OPCML: variants seen among roughly 807,000 people sequenced by gnomAD.
OPCML encodes opioid-binding protein/cell adhesion molecule.
Under a neutral mutation model 37.8 loss-of-function variants are expected in OPCML, and 13 were observed. The observed-to-expected ratio is 0.34, with a 90% confidence interval of 0.22 to 0.55. The LOEUF (loss-of-function observed/expected upper bound fraction) is 0.55. Ranked by LOEUF, OPCML falls within the 20% of genes least tolerant of loss-of-function variation. The pLI is 0.91. For missense variants in OPCML, 341 were observed against 435.6 expected (o/e 0.78, Z 1.93); for synonymous variants, 176 against 168.8 (o/e 1.04, Z -0.33).
Position 133,531,393 on chromosome 11 carries a change from T to C in OPCML, c.61+871A>G, listed in dbSNP as rs186052475. 1.1e-3 allele frequency among the ~76,000 whole-genome samples: 175 copies of C among 152,286 alleles called. 2 individuals are homozygous for C. The highest frequency in any genetic ancestry group is 4.2e-3 in the African/African-American group (175 of 41,560). On this transcript the variant is annotated intron_variant, in intron 1 of 7. Coordinates refer to ENST00000524381, the MANE Select transcript of OPCML (RefSeq NM_001012393.5). Reference sequence around the variant, plus strand: ...GAGAGGTGGGATCACATTTAAATCATTAGACAAGGTGGGGAAGGGGCTGGG... The same window carrying C: ...GAGAGGTGGGATCACATTTAAATCACTAGACAAGGTGGGGAAGGGGCTGGG...
intron 1 of OPCML, among the ~76,000 whole-genome samples, chr11:133,475,908 G>A (rs1038530813): frequency 6.6e-6 from 1 of 152,190 alleles, no homozygotes; most frequent in Non-Finnish European, 1.5e-5. Flanking sequence ...AGAATGGATG[G>A]TAGGTGAGAT....
intron 1 of OPCML, among the ~76,000 whole-genome samples, chr11:133,314,516 A>ATT (rs1943155810): frequency 6.6e-6 from 1 of 151,246 alleles, no homozygotes; most frequent in Non-Finnish European, 1.5e-5. Flanking sequence ...TACAGCCAAA[A>ATT]CCTTCCTCTG....
At chr11:132,702,772 A>T (rs1943879840) in intron 2 of OPCML, among the ~76,000 whole-genome samples, 1 of 150,456 alleles carries the variant, frequency 6.6e-6, no homozygotes. Context: ...TTGTTCCTCT[A>T]CTTCAAATGA....
rs574485066 is a variant in OPCML at position 132,951,071 on chromosome 11, C to T, written c.62-8061G>A. Among the ~76,000 whole-genome samples, 7 of 152,204 alleles carry T rather than the reference C, an allele frequency of 4.6e-5. No homozygotes were observed. The South Asian group carries it at 8.3e-4, about 18-fold the overall frequency. Reference sequence around the variant, plus strand: ...AAGACTGGAGCAAACACAGGGCAGTCGGGCGTCAGTCCAAGCCCCACCTCT... The same window carrying T: ...AAGACTGGAGCAAACACAGGGCAGTTGGGCGTCAGTCCAAGCCCCACCTCT... On this transcript the variant is annotated intron_variant, in intron 1 of 7. Transcript: ENST00000524381.
At chr11:133,405,795 C>A (rs886678781) in intron 1 of OPCML, among the ~76,000 whole-genome samples, 1 of 152,156 alleles carries the variant, frequency 6.6e-6, no homozygotes, top group African/African-American at 2.4e-5. Flanking sequence ...TGTTTCCTGC[C>A]TCTGAACCTA....
intron 2 of OPCML, among the ~76,000 whole-genome samples, chr11:132,732,198 C>T (rs983771020): frequency 6.6e-6 from 1 of 152,036 alleles, no homozygotes; most frequent in Non-Finnish European, 1.5e-5. Context: ...TAATAAGGAC[C>T]TAAATTAAGT....
At chr11:133,145,692 T>C (rs778579312) in intron 1 of OPCML, among the ~76,000 whole-genome samples, 4 of 152,082 alleles carry the variant, frequency 2.6e-5, no homozygotes, top group Non-Finnish European at 4.4e-5. Context: ...AGCGTGGAGG[T>C]AGGAAGACTG....
chr11:133,337,148 T>C (rs75358433), intron 1 of OPCML, among the ~76,000 whole-genome samples: 4,844 of 152,318 alleles, frequency 0.032, 121 homozygotes, highest in Middle Eastern at 0.075. Context: ...TATTTAGATA[T>C]GATAAGCAAG....
At chr11:133,474,587 C>T (rs1172886020) in intron 1 of OPCML, among the ~76,000 whole-genome samples, 1 of 152,172 alleles carries the variant, frequency 6.6e-6, no homozygotes, top group Non-Finnish European at 1.5e-5. Flanking sequence ...GAAAAGGCAT[C>T]TCAAGCCCTG....
chr11:133,158,175 T>A (rs1229671663), intron 1 of OPCML, among the ~76,000 whole-genome samples: 1 of 152,198 alleles, frequency 6.6e-6, no homozygotes, highest in Non-Finnish European at 1.5e-5. Context: ...GTTGGACTTT[T>A]GCGTTCTACG....
chr11:132,490,866 T>G (rs1416374715), intron 4 of OPCML, among the ~76,000 whole-genome samples: 1 of 151,866 alleles, frequency 6.6e-6, no homozygotes, highest in African/African-American at 2.4e-5. Context: ...CTCCCGTGTC[T>G]AAAGATGTTT....
At chr11:132,737,699 T>G (rs575544976) in intron 2 of OPCML, among the ~76,000 whole-genome samples, 13 of 152,304 alleles carry the variant, frequency 8.5e-5, no homozygotes, top group African/African-American at 2.9e-4. Flanking sequence ...AATTTCTTCA[T>G]GAAAATTTTT....
At chr11:132,643,703 C>A (rs995675182) in intron 3 of OPCML, among the ~76,000 whole-genome samples, 3 of 152,228 alleles carry the variant, frequency 2.0e-5, no homozygotes, top group African/African-American at 7.2e-5. Flanking sequence ...GAGCCCCACT[C>A]CTCCAGCCCT....
intron 1 of OPCML, among the ~76,000 whole-genome samples, chr11:132,966,523 C>T (rs1212331693): frequency 6.6e-6 from 1 of 151,964 alleles, no homozygotes; most frequent in Non-Finnish European, 1.5e-5. Context: ...AATGTATATT[C>T]TGCTGTGGTT....
chr11:133,017,375 C>G (rs1054074943), intron 1 of OPCML, among the ~76,000 whole-genome samples: 2 of 151,944 alleles, frequency 1.3e-5, no homozygotes, highest in African/African-American at 2.4e-5. Context: ...GAACCACCAT[C>G]GAGACCCCTC....
At chr11:133,487,351 C>A (rs1480863150) in intron 1 of OPCML, among the ~76,000 whole-genome samples, 1 of 152,048 alleles carries the variant, frequency 6.6e-6, no homozygotes, top group African/African-American at 2.4e-5. Flanking sequence ...GTAGTTCCCA[C>A]CTTAGGGCTT....
intron 2 of OPCML, among the ~76,000 whole-genome samples, chr11:132,846,888 T>A (rs900928811): frequency 5.9e-5 from 9 of 152,164 alleles, no homozygotes; most frequent in Non-Finnish European, 1.0e-4. Context: ...CTAATTCTAT[T>A]CCTTGAGATC....
chr11:132,626,366 G>A (rs1939737220), intron 3 of OPCML, among the ~76,000 whole-genome samples: 1 of 151,898 alleles, frequency 6.6e-6, no homozygotes, highest in East Asian at 1.9e-4. Flanking sequence ...GGGCATAGGG[G>A]GAAGATAAAG....
At chr11:133,142,956 C>T (rs1218907390) in intron 1 of OPCML, among the ~76,000 whole-genome samples, 2 of 152,146 alleles carry the variant, frequency 1.3e-5, no homozygotes, top group Non-Finnish European at 1.5e-5. Context: ...GCAACCCAGG[C>T]ATGGGCCATG....
Sources: gnomAD v4.1 joint callset for allele counts (sites outside exome capture counted in the v4.1 genomes callset) on GRCh38, gnomAD v4.1.1 for gene constraint, MANE v1.5 for transcripts, NCBI Gene and HGNC (gene_info 2026-07-23, HGNC 2026-07-21) for gene names.